BST1: variants seen among roughly 807,000 people sequenced by gnomAD.
The protein encoded by BST1 is ADP-ribosyl cyclase/cyclic ADP-ribose hydrolase 2.
Under a neutral mutation model 40.6 loss-of-function variants are expected in BST1, and 49 were observed. That is an observed-to-expected ratio of 1.21 (90% CI 0.96 to 1.53). BST1 has a LOEUF of 1.53. BST1 is among the 40% of genes most tolerant of loss of function. The pLI, the probability that BST1 is intolerant of heterozygous loss-of-function variation, is 0.00. For missense variants in BST1, 423 were observed against 395.9 expected (o/e 1.07, Z -0.58); for synonymous variants, 157 against 159.3 (o/e 0.99, Z 0.11).
At chr4:15,741,622 T>G (rs1721746512), downstream of BST1, among the ~76,000 whole-genome samples, 1 of 152,120 alleles carries the variant, frequency 6.6e-6, no homozygotes, top group Non-Finnish European at 1.5e-5. Flanking sequence ...CACACGTGGG[T>G]TTTCCATTTT....
At chr4:15,746,657 CTCA>C in the BST1 span, among the ~76,000 whole-genome samples, 1 of 152,184 alleles carries the variant, frequency 6.6e-6, no homozygotes, top group African/African-American at 2.4e-5. Context: ...ACAATTGAAT[CTCA>C]TCATAAGTTT....
At chr4:15,703,426 G>C in intron 1 of BST1, 94 bp downstream of exon 1, 1 of 1,449,250 alleles carries the variant, frequency 6.9e-7, no homozygotes, top group South Asian at 1.4e-5. Flanking sequence ...TTCGGGGTGA[G>C]GGGGCAATGA....
intron 1 of BST1, 31 bp downstream of exon 1, chr4:15,703,363 C>T: frequency 2.8e-6 from 4 of 1,410,514 alleles, no homozygotes; most frequent in Non-Finnish European, 3.7e-6. Flanking sequence ...GAAGGGGAGC[C>T]GGAAAGAGGC....
At chr4:15,769,807 TTCTTCTTTGCTCTA>T in the BST1 span, among the ~76,000 whole-genome samples, 1 of 152,166 alleles carries the variant, frequency 6.6e-6, no homozygotes, top group Non-Finnish European at 1.5e-5. Flanking sequence ...GGGAGCATTT[TTCTTCTTTGCTCTA>T]TTTCCACTTT....
intron 8 of BST1, 167 bp from the exon 9 acceptor site, chr4:15,731,573 G>T: frequency 9.3e-7 from 1 of 1,069,654 alleles, no homozygotes; most frequent in Non-Finnish European, 1.4e-6. Flanking sequence ...TGGTTTCGGT[G>T]CAGGACTTCG....
At chr4:15,724,704 A>AAG (rs57896911) in intron 8 of BST1, among the ~76,000 whole-genome samples, 14,743 of 150,494 alleles carry the variant, frequency 0.098, 842 homozygotes, top group African/African-American at 0.15. Flanking sequence ...AAAATAAAAT[A>AAG]AGAGAGAGAG....
At chr4:15,763,527 A>G in the BST1 span, among the ~76,000 whole-genome samples, 1 of 151,920 alleles carries the variant, frequency 6.6e-6, no homozygotes, top group Non-Finnish European at 1.5e-5. Flanking sequence ...AGAGCTTATT[A>G]CTTTTTACGA....
At chr4:15,718,841 C>T (rs2148887619) in intron 6 of BST1, 66 bp from the exon 7 acceptor site, 1 of 1,393,722 alleles carries the variant, frequency 7.2e-7, no homozygotes, top group Non-Finnish European at 9.9e-7. Context: ...TATGTTTAAC[C>T]CAGAAACAAC....
At chr4:15,746,002 C>T in the BST1 span, among the ~76,000 whole-genome samples, 1 of 152,214 alleles carries the variant, frequency 6.6e-6, no homozygotes, top group Non-Finnish European at 1.5e-5. Flanking sequence ...GTAGAGCTAA[C>T]ATAGCCCTTG....
At chr4:15,723,412 AATTTTTTTGT>A (rs1048290810) in intron 8 of BST1, 9 of 279,332 alleles carry the variant, frequency 3.2e-5, no homozygotes, top group African/African-American at 2.1e-4. Context: ...ACGCCCAGCT[AATTTTTTTGT>A]ATTTTTTTGT....
the BST1 span, among the ~76,000 whole-genome samples, chr4:15,763,154 C>T: frequency 7.2e-5 from 11 of 151,882 alleles, no homozygotes; most frequent in African/African-American, 2.4e-4. Context: ...ATTTAAAGAG[C>T]TGAGTTACTT....
At chr4:15,713,112 A>G (rs1720307491) in intron 4 of BST1, among the ~76,000 whole-genome samples, 2 of 151,314 alleles carry the variant, frequency 1.3e-5, no homozygotes, top group Admixed American at 1.3e-4. Context: ...AAGCAAGAGG[A>G]GAGGTAGTGT....
intron 6 of BST1, among the ~76,000 whole-genome samples, chr4:15,716,764 G>A (rs988226980): frequency 2.0e-5 from 3 of 152,116 alleles, no homozygotes; most frequent in African/African-American, 7.2e-5. Flanking sequence ...GTGAGAAGTT[G>A]CTCTCTCTGG....
chr4:15,755,053 T>G, the BST1 span, among the ~76,000 whole-genome samples: 1 of 152,220 alleles, frequency 6.6e-6, no homozygotes, highest in Non-Finnish European at 1.5e-5. Flanking sequence ...CTGCATAATA[T>G]TCCATGGGAG....
At chr4:15,765,200 G>A in the BST1 span, among the ~76,000 whole-genome samples, 52 of 152,070 alleles carry the variant, frequency 3.4e-4, no homozygotes, top group African/African-American at 1.2e-3. Context: ...TCCTTTCATA[G>A]TCTTTCTCCA....
At chr4:15,768,619 G>A in the BST1 span, among the ~76,000 whole-genome samples, 1 of 149,934 alleles carries the variant, frequency 6.7e-6, no homozygotes, top group East Asian at 2.0e-4. Context: ...TCAGCCTCCC[G>A]AGTAGCTGGG....
At chr4:15,705,454 T>G in intron 1 of BST1, 61 bp from the exon 2 acceptor site, 1 of 1,499,320 alleles carries the variant, frequency 6.7e-7, no homozygotes, top group Non-Finnish European at 8.9e-7. Context: ...CAAATGGGCA[T>G]ACTTCACAAC....
In BST1 at chr4:15,711,866, T is replaced by C; in HGVS notation, c.511T>C (p.Phe171Leu). The change falls in exon 4 of 9, where the codon TTT becomes CTT. Residue 171 changes from phenylalanine (F) to leucine (L), a missense_variant. By Grantham distance (22) the Phe-to-Leu change is conservative. Transcript: ENST00000265016. ...EDCENNPVDS[F>L]WKRASIQYSK... ...CTGTGAAAATAATCCTGTGGATTCC[T>C]TTTGGAAAAGGGCATCCATCCAGGT... The C allele has an allele frequency of 6.2e-7, 1 of 1,614,062 alleles. No individual in the cohort carries two copies. Among genetic ancestry groups the C allele is most frequent in the Non-Finnish European group, 8.5e-7 (1 of 1,179,908 alleles).
At chr4:15,704,556 G>C (rs1265862263) in intron 1 of BST1, among the ~76,000 whole-genome samples, 1 of 150,016 alleles carries the variant, frequency 6.7e-6, no homozygotes, top group South Asian at 2.1e-4. Flanking sequence ...GTGTGGTCTA[G>C]AGGTGAGGGA....
Sources: allele counts gnomAD v4.1 joint callset (sites outside exome capture counted in the v4.1 genomes callset), GRCh38; gene constraint gnomAD v4.1.1; transcripts MANE v1.5; gene names NCBI Gene and HGNC (gene_info 2026-07-23, HGNC 2026-07-21).